ZDHHC2: variants seen among roughly 807,000 people sequenced by gnomAD.
ZDHHC2 encodes palmitoyltransferase ZDHHC2.
Under a neutral mutation model 55.6 loss-of-function variants are expected in ZDHHC2, and 51 were observed. The ratio of observed to expected loss-of-function variants is 0.92; its 90% confidence interval spans 0.73 to 1.16. ZDHHC2 has a LOEUF of 1.16. Ranked by LOEUF, ZDHHC2 falls within the 50% of genes most tolerant of loss-of-function variation. The pLI, the probability that ZDHHC2 is intolerant of heterozygous loss-of-function variation, is 0.00. For missense variants in ZDHHC2, 491 were observed against 442.4 expected, an observed-to-expected ratio of 1.11 and a Z score of -0.99; for synonymous variants, 199 against 152.9, an observed-to-expected ratio of 1.30 and a Z score of -2.22.
chr8:17,200,959 G>T (rs1330749914), intron 6 of ZDHHC2, among the ~76,000 whole-genome samples: 2 of 152,180 alleles, frequency 1.3e-5, no homozygotes, highest in African/African-American at 4.8e-5. Context: ...GTACTCCCTT[G>T]CAGAAAGCAG....
intron 9 of ZDHHC2, 95 bp downstream of exon 9, chr8:17,210,153 A>G: frequency 7.3e-7 from 1 of 1,377,850 alleles, no homozygotes; most frequent in Non-Finnish European, 9.7e-7. Context: ...TAGGCTTGTA[A>G]TTCTGTGTAG....
Position 17,184,834 on chromosome 8 carries a change from A to C in ZDHHC2, c.157+19A>C. 6.5e-7 allele frequency: 1 copy of C among 1,528,154 alleles called. No homozygotes were observed. 94.7% of individuals were successfully genotyped at this position (1,528,154 alleles called of 1,614,324 possible). On this transcript the variant is annotated intron_variant, in intron 2 of 12. Coordinates refer to ENST00000262096, the MANE Select transcript of ZDHHC2 (RefSeq NM_016353.5). Reference sequence around the variant, plus strand: ...GAACAAGGTAAGCTAGATTATATTAATGTTATAGATTTTTTAAATAGTTTG... The same window carrying C: ...GAACAAGGTAAGCTAGATTATATTACTGTTATAGATTTTTTAAATAGTTTG...
chr8:17,160,513 C>G (rs757865010), intron 1 of ZDHHC2, among the ~76,000 whole-genome samples: 4 of 152,212 alleles, frequency 2.6e-5, no homozygotes, highest in Non-Finnish European at 5.9e-5. Flanking sequence ...AGTTCAATGT[C>G]CTTCCTCCGA....
intron 10 of ZDHHC2, 77 bp from the exon 11 acceptor site, chr8:17,215,160 A>G: frequency 7.4e-7 from 1 of 1,358,818 alleles, no homozygotes; most frequent in Non-Finnish European, 1.0e-6. Flanking sequence ...TTTTGGTTCC[A>G]TACATTGAGA....
At chr8:17,176,023 A>C (rs1259638094) in intron 1 of ZDHHC2, among the ~76,000 whole-genome samples, 1 of 152,234 alleles carries the variant, frequency 6.6e-6, no homozygotes, top group Non-Finnish European at 1.5e-5. Context: ...AGGAAGAGCC[A>C]GATCATGCTT....
At chr8:17,157,218 G>A (rs1300017643) in intron 1 of ZDHHC2, among the ~76,000 whole-genome samples, 1 of 152,194 alleles carries the variant, frequency 6.6e-6, no homozygotes, top group Non-Finnish European at 1.5e-5. Context: ...GGGGGCTGAA[G>A]GGCTGAGCTG....
intron 8 of ZDHHC2, among the ~76,000 whole-genome samples, chr8:17,208,378 AG>A (rs1807210853): frequency 6.6e-6 from 1 of 151,642 alleles, no homozygotes; most frequent in African/African-American, 2.4e-5. Flanking sequence ...AGTGGTGAGC[AG>A]GGGCAAAACA....
At chr8:17,168,543 G>C (rs1426483246) in intron 1 of ZDHHC2, among the ~76,000 whole-genome samples, 1 of 152,020 alleles carries the variant, frequency 6.6e-6, no homozygotes, top group East Asian at 1.9e-4. Context: ...ATACAGATTA[G>C]TGTCATTAAG....
chr8:17,208,724 A>T (rs1807227954), intron 8 of ZDHHC2, among the ~76,000 whole-genome samples: 5 of 152,204 alleles, frequency 3.3e-5, no homozygotes, highest in Non-Finnish European at 7.3e-5. Flanking sequence ...TATTAGGGTG[A>T]AAATACTGAT....
rs780624908 is a variant in ZDHHC2, at chr8:17,222,853, G to A, written c.*2632G>A. On this transcript the variant is annotated 3_prime_UTR_variant, in exon 13 of 13. Coordinates refer to ENST00000262096, the MANE Select transcript of ZDHHC2 (RefSeq NM_016353.5). ...ATGGCAAAATTCATGTCTTCAATGT[G>A]GCCATAACATAGGTCTTGGGAGGGG... The A allele has an allele frequency of 1.3e-5, 2 of 151,882 alleles. No homozygotes were observed. The highest frequency in any genetic ancestry group is 3.0e-5 in the Non-Finnish European group (2 of 67,766). The allele number at this position is 151,882 out of a possible 1,614,324, so 9.4% of individuals were successfully genotyped here.
rs1585746653 is a variant in ZDHHC2, at chr8:17,217,186, G to C, written c.1078G>C (p.Ala360Pro). The C allele has an allele frequency of 6.2e-7, 1 of 1,611,236 alleles. No homozygotes were observed. The highest frequency in any genetic ancestry group is 8.5e-7 in the Non-Finnish European group (1 of 1,178,558). The change falls in exon 12 of 13, where the codon GCA becomes CCA. Residue 360 changes from alanine (A) to proline (P), a missense_variant. Physicochemically the swap from Ala to Pro is conservative, Grantham distance 27. Coordinates refer to ENST00000262096, the MANE Select transcript of ZDHHC2 (RefSeq NM_016353.5). ...CTTTCATTAAGGTATGAGCAATCCT[G>C]CATTAACCATGGAAAATGAGACTTA... ...GKCKAGMSNP[A>P]LTMENET
intron 3 of ZDHHC2, among the ~76,000 whole-genome samples, chr8:17,191,572 C>G (rs1046313220): frequency 6.6e-6 from 1 of 152,222 alleles, no homozygotes; most frequent in Non-Finnish European, 1.5e-5. Context: ...CAAAGTTTGT[C>G]TTTCTCTGCC....
chr8:17,172,567 A>G (rs1804912799), intron 1 of ZDHHC2, among the ~76,000 whole-genome samples: 1 of 152,206 alleles, frequency 6.6e-6, no homozygotes, highest in Non-Finnish European at 1.5e-5. Flanking sequence ...GTTATTTCAG[A>G]GAGTAGATCT....
chr8:17,215,765 T>A (rs565485466), intron 11 of ZDHHC2, among the ~76,000 whole-genome samples: 1 of 152,328 alleles, frequency 6.6e-6, no homozygotes, highest in Non-Finnish European at 1.5e-5. Context: ...AATGTCTGAG[T>A]AAAGTTACTG....
chr8:17,189,127 G>GTTTTTTTTT (rs33942303), intron 3 of ZDHHC2, among the ~76,000 whole-genome samples: 1 of 83,756 alleles, frequency 1.2e-5, no homozygotes, highest in Admixed American at 1.5e-4. Flanking sequence ...GTTTTGTTAT[G>GTTTTTTTTT]TTTTTTTTTT....
At position 17,167,800 on chromosome 8, in the gene ZDHHC2, A is replaced by G. The variant is rs150668579; in HGVS notation, c.130+10947A>G. ...ATAATAAAAATAATAAATAAGAACA[A>G]TTTAGAATGTAAAATTTTTGCCCCA... On this transcript the variant is annotated intron_variant, in intron 1 of 12. Transcript: ENST00000262096. Among the ~76,000 whole-genome samples, 9 of 152,274 alleles carry G rather than the reference A, an allele frequency of 5.9e-5. No individual in the cohort carries two copies. In the East Asian group the frequency reaches 1.3e-3, roughly 23 times the overall value.
At chr8:17,185,204 C>G (rs1480521181) in intron 2 of ZDHHC2, among the ~76,000 whole-genome samples, 1 of 152,044 alleles carries the variant, frequency 6.6e-6, no homozygotes, top group Non-Finnish European at 1.5e-5. Context: ...TATGAGTATC[C>G]TCATTCTTTA....
At chr8:17,162,677 A>G (rs1804407370) in intron 1 of ZDHHC2, 1 of 152,190 alleles carries the variant, frequency 6.6e-6, no homozygotes, top group South Asian at 2.1e-4. Flanking sequence ...GAAAAAAAAC[A>G]GCCTCTGGGA....
At chr8:17,193,970 A>G (rs1315924160) in intron 3 of ZDHHC2, among the ~76,000 whole-genome samples, 3 of 151,958 alleles carry the variant, frequency 2.0e-5, no homozygotes, top group African/African-American at 7.3e-5. Flanking sequence ...TCCTGTGTCC[A>G]TGTGTTCTCA....
Sources: allele counts gnomAD v4.1 joint callset (sites outside exome capture counted in the v4.1 genomes callset), GRCh38; gene constraint gnomAD v4.1.1; transcripts MANE v1.5; gene names NCBI Gene and HGNC (gene_info 2026-07-23, HGNC 2026-07-21).